The following NRXN1 variants were observed in gnomAD, a reference collection of about 807,000 sequenced individuals.
NRXN1 encodes neurexin-1.
Under a neutral mutation model 150.9 loss-of-function variants are expected in NRXN1, and 39 were observed. The observed-to-expected ratio is 0.26, with a 90% confidence interval of 0.20 to 0.34. NRXN1 has a LOEUF of 0.34. Among genes scored for constraint, NRXN1 ranks in the 10% least tolerant of loss-of-function variants. The pLI, the probability that NRXN1 is intolerant of heterozygous loss-of-function variation, is 1.00. For missense variants in NRXN1, 1,815 were observed against 1,949.9 expected, an observed-to-expected ratio of 0.93 and a Z score of 1.30; for synonymous variants, 924 against 757.0, an observed-to-expected ratio of 1.22 and a Z score of -3.62.
intron 5 of NRXN1, among the ~76,000 whole-genome samples, chr2:50,868,486 A>G (rs1019924342): frequency 1.3e-5 from 2 of 151,502 alleles, no homozygotes; most frequent in Non-Finnish European, 2.9e-5. Flanking sequence ...GTTATACTAA[A>G]AGCCCAGACT....
chr2:50,514,922 T>G (rs551723880), intron 12 of NRXN1, among the ~76,000 whole-genome samples: 1 of 152,318 alleles, frequency 6.6e-6, no homozygotes, highest in South Asian at 2.1e-4. Flanking sequence ...CTAACTTTTT[T>G]ACTGCTGTTT....
chr2:50,112,296 C>T (rs149161968), intron 18 of NRXN1, among the ~76,000 whole-genome samples: 1 of 152,282 alleles, frequency 6.6e-6, no homozygotes, highest in East Asian at 1.9e-4. Context: ...GTCCTTATTA[C>T]CCCTGCTACT....
At chr2:50,996,165 G>T (rs1699251340) in intron 2 of NRXN1, among the ~76,000 whole-genome samples, 1 of 152,078 alleles carries the variant, frequency 6.6e-6, no homozygotes, top group Non-Finnish European at 1.5e-5. Flanking sequence ...TTTCTCAAAA[G>T]ATGTTAAATG....
intron 17 of NRXN1, among the ~76,000 whole-genome samples, chr2:50,441,272 T>C (rs185730484): frequency 7.9e-5 from 12 of 152,320 alleles, no homozygotes; most frequent in African/African-American, 2.9e-4. Context: ...TATAATTACC[T>C]ATTTCATGGT....
chr2:50,918,731 G>C, intron 5 of NRXN1: 1 of 327,396 alleles, frequency 3.1e-6, no homozygotes, highest in East Asian at 4.0e-5. Flanking sequence ...AAAGAGAAAA[G>C]ACATACTTCA....
intron 5 of NRXN1, among the ~76,000 whole-genome samples, chr2:50,873,005 AAAG>A (rs147528262): frequency 0.023 from 3,427 of 151,828 alleles, 107 homozygotes; most frequent in African/African-American, 0.077. Flanking sequence ...TGTCTCTAAA[AAAG>A]AAAATATAAT....
At chr2:50,971,856 C>CTCTCATT (rs1695058843) in intron 2 of NRXN1, among the ~76,000 whole-genome samples, 1 of 152,092 alleles carries the variant, frequency 6.6e-6, no homozygotes, top group Non-Finnish European at 1.5e-5. Flanking sequence ...AATTATTCCT[C>CTCTCATT]TCTCATTTAC....
At chr2:50,081,761 T>C (rs1298127793) in intron 19 of NRXN1, among the ~76,000 whole-genome samples, 1 of 152,136 alleles carries the variant, frequency 6.6e-6, no homozygotes, top group Non-Finnish European at 1.5e-5. Context: ...GTATTATCAT[T>C]ATAAAAATAT....
intron 8 of NRXN1, among the ~76,000 whole-genome samples, chr2:50,577,255 G>T (rs909047103): frequency 6.6e-6 from 1 of 151,516 alleles, no homozygotes; most frequent in African/African-American, 2.4e-5. Context: ...CCTGTTACTG[G>T]CACAAATAAA....
intron 5 of NRXN1, among the ~76,000 whole-genome samples, chr2:50,713,429 A>T (rs904196363): frequency 1.3e-5 from 2 of 152,130 alleles, no homozygotes; most frequent in African/African-American, 4.8e-5. Context: ...TTTTAACGAT[A>T]ACATTTTACG....
chr2:50,740,330 T>C (rs917783207), intron 5 of NRXN1, among the ~76,000 whole-genome samples: 4 of 152,096 alleles, frequency 2.6e-5, no homozygotes, highest in Non-Finnish European at 5.9e-5. Flanking sequence ...ATTTGAAACA[T>C]ACACCCACCC....
At chr2:50,556,891 G>A (rs1053025774) in intron 8 of NRXN1, among the ~76,000 whole-genome samples, 1 of 152,126 alleles carries the variant, frequency 6.6e-6, no homozygotes, top group Non-Finnish European at 1.5e-5. Flanking sequence ...AAGGAAAGGC[G>A]TGCCATAACT....
intron 2 of NRXN1, among the ~76,000 whole-genome samples, chr2:50,972,045 T>A (rs1207698291): frequency 6.6e-6 from 1 of 151,836 alleles, no homozygotes; most frequent in East Asian, 1.9e-4. Flanking sequence ...AATATCATTA[T>A]TAATTGCAAC....
intron 18 of NRXN1, among the ~76,000 whole-genome samples, chr2:50,230,809 T>G (rs2064869996): frequency 6.6e-6 from 1 of 152,066 alleles, no homozygotes; most frequent in African/African-American, 2.4e-5. Flanking sequence ...GAATCTGTAT[T>G]GATTCATTTA....
At chr2:49,924,836 A>G (rs867878562) in intron 22 of NRXN1, among the ~76,000 whole-genome samples, 13 of 152,252 alleles carry the variant, frequency 8.5e-5, no homozygotes, top group African/African-American at 1.9e-4. Flanking sequence ...CCAGATTCAC[A>G]TTAAAATTTT....
intron 2 of NRXN1, among the ~76,000 whole-genome samples, chr2:50,973,368 G>T (rs1695318909): frequency 6.6e-6 from 1 of 152,106 alleles, no homozygotes; most frequent in Non-Finnish European, 1.5e-5. Context: ...GAAGCCAATT[G>T]TTCAAGGGCT....
At chr2:50,273,973 C>A (rs2070062430) in intron 17 of NRXN1, among the ~76,000 whole-genome samples, 2 of 152,102 alleles carry the variant, frequency 1.3e-5, no homozygotes, top group African/African-American at 4.8e-5. Flanking sequence ...TGTGGCTATT[C>A]CTCAAGGATC....
chr2:50,746,331 G>C (rs1358820296), intron 5 of NRXN1, among the ~76,000 whole-genome samples: 1 of 152,056 alleles, frequency 6.6e-6, no homozygotes, highest in East Asian at 1.9e-4. Flanking sequence ...ACTCAGGCAG[G>C]AGGACTGCTT....
chr2:50,519,646 T>C (rs2092730284), intron 12 of NRXN1, among the ~76,000 whole-genome samples: 1 of 151,950 alleles, frequency 6.6e-6, no homozygotes, highest in Non-Finnish European at 1.5e-5. Flanking sequence ...GGTAAGATTA[T>C]GTTAGATTTT....
Sources: gnomAD v4.1 joint callset for allele counts (sites outside exome capture counted in the v4.1 genomes callset) on GRCh38, gnomAD v4.1.1 for gene constraint, MANE v1.5 for transcripts, NCBI Gene and HGNC (gene_info 2026-07-23, HGNC 2026-07-21) for gene names.